Variants in NSD2 observed in about 807,000 individuals in gnomAD.
NSD2 encodes the protein nuclear receptor binding SET domain protein 2, also known as histone-lysine N-methyltransferase NSD2.
NSD2 carries 12 observed loss-of-function variants against 139.0 expected under a neutral mutation model. The ratio of observed to expected loss-of-function variants is 0.09; its 90% CI spans 0.06 to 0.14. The LOEUF is 0.14. Among genes scored for constraint, NSD2 ranks in the 10% least tolerant of loss-of-function variants. The pLI is 1.00. For synonymous variants in NSD2, 669 were observed against 648.7 expected (o/e 1.03, Z -0.48); for missense variants, 1,155 against 1,745.0 (o/e 0.66, Z 6.02).
At chr4:1,962,520 G>A (rs963898785) in intron 18 of NSD2, among the ~76,000 whole-genome samples, 2 of 152,104 alleles carry the variant, frequency 1.3e-5, no homozygotes, top group Non-Finnish European at 2.9e-5. Context: ...TCAAAGGATC[G>A]GGAAAAAATT....
At chr4:1,977,770 C>T (rs1323508480) in intron 21 of NSD2, among the ~76,000 whole-genome samples, 7 of 146,940 alleles carry the variant, frequency 4.8e-5, no homozygotes, top group African/African-American at 7.7e-5. Context: ...CCAGCCTGGG[C>T]GACAGAGCAA....
At chr4:1,916,310 G>T (rs561867554) in intron 3 of NSD2, among the ~76,000 whole-genome samples, 1 of 152,254 alleles carries the variant, frequency 6.6e-6, no homozygotes, top group Admixed American at 6.5e-5. Context: ...AGTGCATTTA[G>T]TCAGCTAGCT....
intron 15 of NSD2, among the ~76,000 whole-genome samples, chr4:1,957,093 A>G (rs771027381): frequency 9.8e-4 from 150 of 152,296 alleles, no homozygotes; most frequent in Non-Finnish European, 1.7e-3. Flanking sequence ...TAGAGCCAGA[A>G]ACCTTTGTGG....
chr4:1,937,218 A>G (rs1238391643), intron 7 of NSD2, among the ~76,000 whole-genome samples: 2 of 151,712 alleles, frequency 1.3e-5, no homozygotes, highest in Non-Finnish European at 2.9e-5. Context: ...TGTCCAGCTA[A>G]TTTTTTTGTA....
intron 1 of NSD2, among the ~76,000 whole-genome samples, chr4:1,888,285 A>G (rs967455889): frequency 4.6e-4 from 70 of 151,822 alleles, no homozygotes; most frequent in African/African-American, 1.6e-3. Flanking sequence ...GGTGTTGGGC[A>G]CCTGTAATCC....
chr4:1,928,265 C>T (rs1422162942), intron 5 of NSD2, among the ~76,000 whole-genome samples: 1 of 151,990 alleles, frequency 6.6e-6, no homozygotes, highest in Non-Finnish European at 1.5e-5. Context: ...ATGTCAGATA[C>T]CTTGCCAGTA....
intron 6 of NSD2, among the ~76,000 whole-genome samples, chr4:1,934,457 C>T (rs539087390): frequency 6.6e-6 from 1 of 151,842 alleles, no homozygotes; most frequent in African/African-American, 2.4e-5. Context: ...TGTGCCATTA[C>T]ACTCCAGCCT....
At chr4:1,932,998 A>T (rs1021315472) in intron 6 of NSD2, among the ~76,000 whole-genome samples, 1 of 152,158 alleles carries the variant, frequency 6.6e-6, no homozygotes, top group African/African-American at 2.4e-5. Flanking sequence ...TGTGGTGCCT[A>T]TGCTTGGCAG....
intron 6 of NSD2, among the ~76,000 whole-genome samples, chr4:1,934,016 G>GTT (rs113466969): frequency 1.5e-5 from 2 of 133,102 alleles, no homozygotes; most frequent in Non-Finnish European, 3.1e-5. Flanking sequence ...GTAGCAAGTT[G>GTT]TTTTTTTTTT....
Position 1,980,810 on chromosome 4 carries a change from AGTG to A in NSD2, c.*1902_*1904del, listed in dbSNP as rs1409170551. On this transcript the variant is annotated 3_prime_UTR_variant, in exon 22 of 22. Transcript: ENST00000508803. The stretch of plus-strand genomic sequence containing the variant: ...TCGCCGGTTAAGACAGGGTGGGAGT[AGTG>A]CTTTCCAGTTCAGACTCTAACTTCT... The A allele has an allele frequency of 4.3e-6, 1 of 233,194 alleles. No homozygotes were observed. Among genetic ancestry groups the A allele is most frequent in the African/African-American group, 2.2e-5 (1 of 45,366 alleles). The allele number at this position is 233,194 out of a possible 1,614,324, so 14.4% of individuals were successfully genotyped here. A position where few individuals can be genotyped will look rare whatever the true frequency, so the allele number is the denominator to read the frequency against.
At chr4:1,961,349 C>T (rs1725348184) in intron 18 of NSD2, among the ~76,000 whole-genome samples, 198 bp downstream of exon 18, 1 of 152,230 alleles carries the variant, frequency 6.6e-6, no homozygotes, top group South Asian at 2.1e-4. Flanking sequence ...AACCACCTCT[C>T]AGCACCCAGG....
At chr4:1,897,176 A>G (rs914845507) in intron 1 of NSD2, among the ~76,000 whole-genome samples, 11 of 7,198 alleles carry the variant, frequency 1.5e-3, no homozygotes, top group African/African-American at 2.3e-3. Context: ...TCTCAAAGGA[A>G]AAAAAAAAAA....
At chr4:1,872,926 A>G (rs1036844286) in intron 1 of NSD2, among the ~76,000 whole-genome samples, 1 of 152,210 alleles carries the variant, frequency 6.6e-6, no homozygotes. Flanking sequence ...TGAGAACAAC[A>G]ATATTTTAAA....
intron 5 of NSD2, among the ~76,000 whole-genome samples, chr4:1,925,394 T>C (rs113937551): frequency 5.2e-4 from 70 of 133,926 alleles, no homozygotes; most frequent in South Asian, 1.0e-3. Context: ...TCTTTCTTTT[T>C]TTTTTTTTTT....
intron 1 of NSD2, among the ~76,000 whole-genome samples, chr4:1,880,406 G>A (rs1489882828): frequency 6.6e-6 from 1 of 152,164 alleles, no homozygotes; most frequent in Non-Finnish European, 1.5e-5. Flanking sequence ...GTGCATGGAA[G>A]ACTGAGCCAT....
Position 1,973,818 on chromosome 4 carries a change from T to TA in NSD2, c.3373-1044dup, listed in dbSNP as rs1338792569. 6.6e-6 allele frequency among the ~76,000 whole-genome samples: 1 copy of TA among 152,240 alleles called. No homozygotes were observed. Among genetic ancestry groups the TA allele is most frequent in the African/African-American group, 2.4e-5 (1 of 41,468 alleles). ...TGGTTTTGTTTGAACACGTGACTGT[T>TA]ACGCTTTATGTGGCCTTTTGATTTC... On this transcript the variant is annotated intron_variant, in intron 18 of 21. Coordinates refer to ENST00000508803, the MANE Select transcript of NSD2 (RefSeq NM_001042424.3). This position sits in a 1 kb window ranked among gnomAD's most constrained non-coding sequence, Gnocchi z 5.5.
chr4:1,955,201 C>T lies in NSD2; in HGVS notation c.2379C>T (p.His793=). 1 of 1,614,102 alleles carries T rather than the reference C, an allele frequency of 6.2e-7. No individual in the cohort carries two copies. The change falls in exon 13 of 22, where the codon CAC becomes CAT. Residue 793 remains histidine, a synonymous_variant. Coordinates refer to ENST00000508803, the MANE Select transcript of NSD2 (RefSeq NM_001042424.3). The surrounding 1 kb of genome is among the most constrained non-coding windows in gnomAD (Gnocchi z 4.7). The part of the protein sequence containing the change: ...MRCVRCPVAY[H]SGDACLAAGC... ...GTGTCCGCTGCCCCGTTGCCTATCA[C>T]AGCGGGGATGCTTGTCTGGCAGCAG... is the stretch of plus-strand genomic sequence containing the variant.
chr4:1,979,020 C>T lies in NSD2; in HGVS notation c.*111C>T, dbSNP rs1031391571. 1.2e-5 allele frequency: 16 copies of T among 1,359,270 alleles called. No homozygotes were observed. The highest frequency in any genetic ancestry group is 1.1e-4 in the South Asian group (7 of 61,416). 84.2% of individuals were successfully genotyped at this position (1,359,270 alleles called of 1,614,324 possible). A position where few individuals can be genotyped will look rare whatever the true frequency, so the allele number is the denominator to read the frequency against. On this transcript the variant is annotated 3_prime_UTR_variant, in exon 22 of 22. Coordinates refer to ENST00000508803, the MANE Select transcript of NSD2 (RefSeq NM_001042424.3). ...GAGGACCCAGCTCGAGCCGCCAGGA[C>T]ACAGACGTACAGGCCTCCTCGGGAG...
In NSD2 at chr4:1,933,629, C is replaced by T. The variant is rs3792716; in HGVS notation, c.1556-1515C>T. Among the ~76,000 whole-genome samples the T allele has an allele frequency of 6.9e-4, 105 of 152,190 alleles. 2 individuals carry two copies. In the East Asian group the frequency reaches 0.017, roughly 25 times the overall value. ...CAGGATGGTCTCGATCTCCTGACCTCGTGATCCACCCACCTCGGCCTCCCA... is the reference window on the plus strand; with the variant it reads ...CAGGATGGTCTCGATCTCCTGACCTTGTGATCCACCCACCTCGGCCTCCCA... On this transcript the variant is annotated intron_variant, in intron 6 of 21. Transcript: ENST00000508803.
Sources: gnomAD v4.1 joint callset for allele counts (sites outside exome capture counted in the v4.1 genomes callset) on GRCh38, gnomAD v4.1.1 for gene constraint, Gnocchi (gnomAD v3.1) non-coding constraint, MANE v1.5 for transcripts, NCBI Gene and HGNC (gene_info 2026-07-23, HGNC 2026-07-21) for gene names.